FGD4: variants seen among roughly 807,000 people sequenced by gnomAD.
The protein encoded by FGD4 is FYVE, RhoGEF and PH domain containing 4.
Under a neutral mutation model 102.0 loss-of-function variants are expected in FGD4, and 42 were observed. That is an observed-to-expected ratio of 0.41 (90% CI 0.32 to 0.53). FGD4 has a LOEUF of 0.53. Ranked by LOEUF, FGD4 falls within the 20% of genes least tolerant of loss-of-function variation. The pLI is 0.21. For synonymous variants in FGD4, 380 were observed against 375.7 expected, an observed-to-expected ratio of 1.01 and a Z score of -0.13; for missense variants, 902 against 1,078.2, an observed-to-expected ratio of 0.84 and a Z score of 2.29.
Position 32,399,840 on chromosome 12 carries a change from G to T in FGD4, c.47G>T (p.Arg16Leu), listed in dbSNP as rs374124835. 2.0e-6 allele frequency: 3 copies of T among 1,531,520 alleles called. No individual in the cohort carries two copies. In the South Asian group the frequency reaches 3.6e-5, roughly 18 times the overall value. The allele number at this position is 1,531,520 out of a possible 1,614,324, so 94.9% of individuals were successfully genotyped here. ...AACTTCAGGCGGGTGGCGATCCGGC[G>T]GAAGTCCAACCCCTCCTACCTGCCG... ...GSNFRRVAIR[R>L]KSNPSYLPPG... The change falls in exon 1 of 17, where the codon CGG becomes CTG. Residue 16 changes from arginine to leucine, a missense_variant. This residue lies in a region of FGD4 where 443 missense variants were observed against 459.2 expected (regional missense o/e 0.96). Coordinates refer to ENST00000534526, the MANE Select transcript of FGD4 (RefSeq NM_001370298.3).
At chr12:32,419,703 T>C (rs1941556971) in intron 1 of FGD4, among the ~76,000 whole-genome samples, 1 of 152,222 alleles carries the variant, frequency 6.6e-6, no homozygotes, top group Non-Finnish European at 1.5e-5. Context: ...CCCAGAGCAC[T>C]CTGGCCTGTG....
At chr12:32,613,309 A>T (rs1444029900) in intron 10 of FGD4, among the ~76,000 whole-genome samples, 2 of 152,254 alleles carry the variant, frequency 1.3e-5, no homozygotes, top group African/African-American at 4.8e-5. Flanking sequence ...GGTGTTCAGT[A>T]CAAGGGGTCT....
At chr12:32,569,824 T>C (rs1945494249) in intron 2 of FGD4, among the ~76,000 whole-genome samples, 1 of 152,208 alleles carries the variant, frequency 6.6e-6, no homozygotes, top group African/African-American at 2.4e-5. Flanking sequence ...GGTATAAGAA[T>C]TGTTCTAGGA....
intron 11 of FGD4, among the ~76,000 whole-genome samples, chr12:32,623,341 GT>G (rs1177585396): frequency 6.6e-6 from 1 of 152,074 alleles, no homozygotes; most frequent in Non-Finnish European, 1.5e-5. Flanking sequence ...AATAAGGAGA[GT>G]TTTTTAATTT....
At chr12:32,608,515 C>T (rs978016425) in intron 8 of FGD4, among the ~76,000 whole-genome samples, 1 of 152,228 alleles carries the variant, frequency 6.6e-6, no homozygotes, top group Non-Finnish European at 1.5e-5. Flanking sequence ...GAGTTGGCTG[C>T]ACCTGCCCTA....
intron 1 of FGD4, among the ~76,000 whole-genome samples, chr12:32,530,820 A>C (rs1941713427): frequency 6.6e-6 from 1 of 152,148 alleles, no homozygotes; most frequent in South Asian, 2.1e-4. Flanking sequence ...AGTTTTTTGT[A>C]AATCACAGAA....
chr12:32,569,210 A>G (rs1401295953), intron 2 of FGD4, among the ~76,000 whole-genome samples: 3 of 152,184 alleles, frequency 2.0e-5, no homozygotes, highest in African/African-American at 7.2e-5. Context: ...CTGAATTTCT[A>G]TAATATCCTC....
intron 14 of FGD4, among the ~76,000 whole-genome samples, chr12:32,627,193 C>T (rs12300564): frequency 0.015 from 2,116 of 140,042 alleles, 54 homozygotes; most frequent in African/African-American, 0.054. Context: ...CTCACCCTAT[C>T]GCCCAGGCTG....
At chr12:32,495,647 G>A (rs796901296) in intron 1 of FGD4, among the ~76,000 whole-genome samples, 6 of 144,420 alleles carry the variant, frequency 4.2e-5, no homozygotes, top group African/African-American at 1.6e-4. Flanking sequence ...AGTGAGCCGA[G>A]ATCGCACCAC....
intron 8 of FGD4, among the ~76,000 whole-genome samples, 195 bp downstream of exon 8, chr12:32,608,290 A>G (rs770543711): frequency 1.6e-4 from 24 of 152,258 alleles, no homozygotes; most frequent in Non-Finnish European, 2.2e-4. Flanking sequence ...GTTTAGAGCA[A>G]TGCAAATCAC....
Position 32,435,092 on chromosome 12 carries a change from C to T in FGD4, c.166+35133C>T, listed in dbSNP as rs553016525. Reference sequence around the variant, plus strand: ...CCGAGTAGCTGGGATTACAGGCATGCGCCACCACGCCTGGCTAATTTTGTA... The same window carrying T: ...CCGAGTAGCTGGGATTACAGGCATGTGCCACCACGCCTGGCTAATTTTGTA... On this transcript the variant is annotated intron_variant, in intron 1 of 16. Transcript: ENST00000534526. 5.3e-5 allele frequency among the ~76,000 whole-genome samples: 8 copies of T among 152,134 alleles called. No individual in the cohort carries two copies. In the East Asian group the frequency reaches 7.7e-4, roughly 15 times the overall value.
Position 32,506,961 on chromosome 12 carries a change from G to A in FGD4, c.167-57176G>A, listed in dbSNP as rs1249811477. Among the ~76,000 whole-genome samples, 1 of 151,856 alleles carries A rather than the reference G, an allele frequency of 6.6e-6. No individual in the cohort carries two copies. Among genetic ancestry groups the A allele is most frequent in the Non-Finnish European group, 1.5e-5 (1 of 67,984 alleles). On this transcript the variant is annotated intron_variant, in intron 1 of 16. Transcript: ENST00000534526. This position sits in a 1 kb window ranked among gnomAD's most constrained non-coding sequence, Gnocchi z 4.5. ...TTTATTATTATACTTTAAGTTTTAG[G>A]GCACATGTGCACAACGTGCAGGTTA... is the stretch of plus-strand genomic sequence containing the variant.
rs975806007 is a variant in FGD4 at position 32,503,959 on chromosome 12, T to C, written c.167-60178T>C. On this transcript the variant is annotated intron_variant, in intron 1 of 16. Transcript: ENST00000534526. The stretch of plus-strand genomic sequence containing the variant: ...ACTTGGGATGTAGTTACCCAGAGCA[T>C]TGGGGTAGGCTAGATAAATCCGTAC... Among the ~76,000 whole-genome samples, 21 of 147,946 alleles carry C rather than the reference T, an allele frequency of 1.4e-4. No individual in the cohort carries two copies. In the East Asian group the frequency reaches 2.3e-3, roughly 16 times the overall value.
chr12:32,561,122 T>C (rs1248144699), intron 1 of FGD4, among the ~76,000 whole-genome samples: 1 of 137,798 alleles, frequency 7.3e-6, no homozygotes, highest in Admixed American at 8.0e-5. Context: ...TTCACTCTTG[T>C]TGCCCAGGCT....
intron 1 of FGD4, among the ~76,000 whole-genome samples, chr12:32,535,575 T>G (rs951483442): frequency 5.3e-5 from 8 of 152,056 alleles, no homozygotes; most frequent in African/African-American, 1.9e-4. Context: ...TCCACCACTC[T>G]TGCATAAAGT....
chr12:32,412,156 A>T (rs1294902090), intron 1 of FGD4, among the ~76,000 whole-genome samples: 1 of 152,196 alleles, frequency 6.6e-6, no homozygotes, highest in East Asian at 1.9e-4. Flanking sequence ...ATTACTGTGG[A>T]GAATGAATGG....
chr12:32,611,366 A>G (rs1380208962), intron 10 of FGD4, 83 bp downstream of exon 10: 2 of 1,545,270 alleles, frequency 1.3e-6, no homozygotes, highest in Admixed American at 1.7e-5. Flanking sequence ...CTGTAATCCC[A>G]GCACTTTGGG....
chr12:32,428,211 T>G (rs1161338133), intron 1 of FGD4, among the ~76,000 whole-genome samples: 1 of 151,702 alleles, frequency 6.6e-6, no homozygotes, highest in Admixed American at 6.6e-5. Context: ...CAGTTGTTGC[T>G]TTCCAGATTT....
At chr12:32,586,653 G>C (rs1947062802) in intron 4 of FGD4, among the ~76,000 whole-genome samples, 1 of 152,188 alleles carries the variant, frequency 6.6e-6, no homozygotes, top group African/African-American at 2.4e-5. Context: ...TACTAGTCCA[G>C]GTGTGAGATG....
Sources: allele counts gnomAD v4.1 joint callset (sites outside exome capture counted in the v4.1 genomes callset), GRCh38; gene constraint gnomAD v4.1.1; regional missense constraint gnomAD v4.1.1; non-coding constraint Gnocchi (gnomAD v3.1); transcripts MANE v1.5; gene names NCBI Gene and HGNC (gene_info 2026-07-23, HGNC 2026-07-21).